The following NEK10 variants were observed in gnomAD, a reference collection of about 807,000 sequenced individuals.
NEK10 encodes NIMA related kinase 10.
Under a neutral mutation model 159.8 loss-of-function variants are expected in NEK10, and 122 were observed. The ratio of observed to expected loss-of-function variants is 0.76; its 90% CI spans 0.66 to 0.89. NEK10 has a LOEUF of 0.89. Among genes scored for constraint, NEK10 ranks in the 40% least tolerant of loss-of-function variants. The pLI is 0.00. For missense variants in NEK10, 1,342 were observed against 1,323.1 expected (o/e 1.01, Z -0.22); for synonymous variants, 466 against 457.1 (o/e 1.02, Z -0.25).
At chr3:27,274,614 C>G (rs560156222) in intron 22 of NEK10, among the ~76,000 whole-genome samples, 2 of 152,108 alleles carry the variant, frequency 1.3e-5, no homozygotes, top group Non-Finnish European at 2.9e-5. Context: ...CAGGGGTGCA[C>G]TCTCTTTTTT....
At chr3:27,271,775 T>G (rs2041379302) in intron 22 of NEK10, among the ~76,000 whole-genome samples, 1 of 152,104 alleles carries the variant, frequency 6.6e-6, no homozygotes. Flanking sequence ...TTTCAGAAAT[T>G]GTACTCATAA....
intron 30 of NEK10, among the ~76,000 whole-genome samples, chr3:27,144,491 G>A (rs1205294038): frequency 2.0e-5 from 3 of 152,170 alleles, no homozygotes. Flanking sequence ...ACATTTTTAA[G>A]TGGCTGAGTC....
intron 22 of NEK10, among the ~76,000 whole-genome samples, chr3:27,269,269 C>A (rs1235043879): frequency 1.3e-5 from 2 of 152,182 alleles, no homozygotes; most frequent in Non-Finnish European, 2.9e-5. Context: ...AGGATTGACT[C>A]CAATTTTGAA....
At chr3:27,320,815 A>G (rs753428306) in intron 6 of NEK10, among the ~76,000 whole-genome samples, 1 of 152,238 alleles carries the variant, frequency 6.6e-6, no homozygotes, top group Admixed American at 6.5e-5. Context: ...TGTAGTGCCC[A>G]TGAATCCCAG....
chr3:27,213,965 T>A (rs1414070651), intron 23 of NEK10, among the ~76,000 whole-genome samples: 1 of 152,234 alleles, frequency 6.6e-6, no homozygotes, highest in Admixed American at 6.5e-5. Context: ...AAGGTAGGAA[T>A]AGAAAGCATT....
intron 24 of NEK10, 73 bp from the exon 25 acceptor site, chr3:27,201,653 A>G: frequency 9.4e-7 from 1 of 1,068,258 alleles, no homozygotes; most frequent in South Asian, 1.4e-5. Flanking sequence ...ATACTTGACC[A>G]TAACCTGAGA....
intron 1 of NEK10, among the ~76,000 whole-genome samples, chr3:27,355,903 T>C (rs747517067): frequency 2.0e-5 from 3 of 152,226 alleles, no homozygotes; most frequent in Non-Finnish European, 4.4e-5. Flanking sequence ...CCAAATGCTA[T>C]GGTTTGAATG....
intron 5 of NEK10, among the ~76,000 whole-genome samples, chr3:27,337,426 A>T (rs2046884271): frequency 6.7e-6 from 1 of 148,708 alleles, no homozygotes; most frequent in African/African-American, 2.5e-5. Flanking sequence ...CTATCAAAAG[A>T]TCATATTTCA....
intron 31 of NEK10, among the ~76,000 whole-genome samples, chr3:27,141,083 T>A (rs531457117): frequency 1.4e-4 from 22 of 152,178 alleles, no homozygotes; most frequent in Non-Finnish European, 7.3e-5. Context: ...TGGCTTTCAC[T>A]CTCTGAAAGG....
At chr3:27,291,195 T>A in intron 18 of NEK10, 67 bp downstream of exon 18, 2 of 1,410,270 alleles carry the variant, frequency 1.4e-6, no homozygotes, top group Non-Finnish European at 2.0e-6. Context: ...CAATTGAATA[T>A]CGGTGTGCAA....
intron 35 of NEK10, among the ~76,000 whole-genome samples, chr3:27,114,942 T>C (rs1017695352): frequency 6.6e-6 from 1 of 152,204 alleles, no homozygotes; most frequent in African/African-American, 2.4e-5. Context: ...CCCCTATCTA[T>C]TCCACTTCAA....
chr3:27,297,805 C>A (rs2043469734), intron 13 of NEK10, among the ~76,000 whole-genome samples: 1 of 152,166 alleles, frequency 6.6e-6, no homozygotes, highest in Non-Finnish European at 1.5e-5. Context: ...ACCACTCTTG[C>A]CTCCTGACAG....
In NEK10 at chr3:27,107,544, T is replaced by C. The variant is rs1160306009; in HGVS notation, c.*3728A>G. On this transcript the variant is annotated 3_prime_UTR_variant, in exon 36 of 36. Transcript: ENST00000691995. ...GATAATTAATTTAATCTCAAAGATATCATGTAAGTATATATGAAATTCATT... is the reference window on the plus strand; with the variant it reads ...GATAATTAATTTAATCTCAAAGATACCATGTAAGTATATATGAAATTCATT... 6.6e-6 allele frequency among the ~76,000 whole-genome samples: 1 copy of C among 152,212 alleles called. No individual in the cohort carries two copies. Among genetic ancestry groups the C allele is most frequent in the African/African-American group, 2.4e-5 (1 of 41,460 alleles).
At chr3:27,364,595 T>A (rs1036956761) in intron 1 of NEK10, among the ~76,000 whole-genome samples, 7 of 152,204 alleles carry the variant, frequency 4.6e-5, no homozygotes, top group Admixed American at 6.5e-5. Flanking sequence ...ATACTAGAGA[T>A]AAAATTAAAA....
chr3:27,215,840 C>T, intron 23 of NEK10: 1 of 717,374 alleles, frequency 1.4e-6, no homozygotes, highest in Non-Finnish European at 2.6e-6. Context: ...TTTTATGTGG[C>T]CAGAGCAGGA....
At chr3:27,248,616 G>A (rs934394610) in intron 23 of NEK10, among the ~76,000 whole-genome samples, 4 of 152,076 alleles carry the variant, frequency 2.6e-5, no homozygotes, top group Non-Finnish European at 4.4e-5. Flanking sequence ...TTGACCCACT[G>A]GTCATTCAGG....
chr3:27,152,978 T>C (rs1166377431), intron 30 of NEK10, among the ~76,000 whole-genome samples: 1 of 152,116 alleles, frequency 6.6e-6, no homozygotes, highest in South Asian at 2.1e-4. Context: ...CCTAAATATA[T>C]ATGCACCTAA....
intron 23 of NEK10, among the ~76,000 whole-genome samples, chr3:27,249,082 A>C (rs1207161989): frequency 6.6e-6 from 1 of 152,144 alleles, no homozygotes; most frequent in African/African-American, 2.4e-5. Flanking sequence ...CATGGGGGCG[A>C]TATCCCCCAA....
At chr3:27,345,250 A>T (rs1201198736) in intron 4 of NEK10, among the ~76,000 whole-genome samples, 1 of 152,164 alleles carries the variant, frequency 6.6e-6, no homozygotes, top group Non-Finnish European at 1.5e-5. Context: ...GCATGTCCCC[A>T]TCCTAGTCAC....
Sources: allele counts gnomAD v4.1 joint callset (sites outside exome capture counted in the v4.1 genomes callset), GRCh38; gene constraint gnomAD v4.1.1; transcripts MANE v1.5; gene names NCBI Gene and HGNC (gene_info 2026-07-23, HGNC 2026-07-21).